Variants in ANKRD17 observed in about 807,000 individuals in gnomAD.
ANKRD17 encodes ankyrin repeat domain-containing protein 17.
A neutral mutation model predicts 229.7 loss-of-function variants in ANKRD17; 19 were observed. The ratio of observed to expected loss-of-function variants is 0.08; its 90% CI spans 0.06 to 0.12. The LOEUF (loss-of-function observed/expected upper bound fraction) is 0.12. Among genes scored for constraint, ANKRD17 ranks in the 10% least tolerant of loss-of-function variants. The probability of loss-of-function intolerance (pLI) is 1.00; values close to 1 mark genes in which losing one functional copy is unlikely to be tolerated. For synonymous variants in ANKRD17, 1,112 were observed against 1,146.1 expected, an observed-to-expected ratio of 0.97 and a Z score of 0.60; for missense variants, 2,176 against 3,176.8, an observed-to-expected ratio of 0.68 and a Z score of 7.57.
At chr4:73,141,897 A>T (rs1396547532) in intron 13 of ANKRD17, 54 bp from the exon 14 acceptor site, 1 of 1,314,548 alleles carries the variant, frequency 7.6e-7, no homozygotes, top group Non-Finnish European at 1.1e-6. Context: ...CCATTAAGTA[A>T]TATGCTCTAA....
chr4:73,133,252 TA>T (rs566909434), intron 16 of ANKRD17, among the ~76,000 whole-genome samples: 4 of 139,508 alleles, frequency 2.9e-5, no homozygotes, highest in Admixed American at 7.0e-5. Flanking sequence ...CGTCTCAAAA[TA>T]AAAAAAAAAT....
At chr4:73,162,771 C>T (rs1398753988) in intron 2 of ANKRD17, among the ~76,000 whole-genome samples, 1 of 152,124 alleles carries the variant, frequency 6.6e-6, no homozygotes, top group African/African-American at 2.4e-5. Context: ...ATGCAGCATT[C>T]TTACCCCTAA....
chr4:73,078,009 G>A (rs1033158212), intron 31 of ANKRD17, among the ~76,000 whole-genome samples: 97 of 152,278 alleles, frequency 6.4e-4, no homozygotes, highest in African/African-American at 2.1e-3. Flanking sequence ...CAGCACTTTG[G>A]GAGGCTGAGG....
intron 24 of ANKRD17, among the ~76,000 whole-genome samples, chr4:73,104,898 A>G (rs1045422065): frequency 1.3e-5 from 2 of 152,084 alleles, no homozygotes; most frequent in African/African-American, 4.8e-5. Context: ...TGGGTCTTAG[A>G]TATGTAAATT....
At chr4:73,084,610 G>A (rs1365014934) in intron 30 of ANKRD17, among the ~76,000 whole-genome samples, 1 of 151,824 alleles carries the variant, frequency 6.6e-6, no homozygotes, top group Admixed American at 6.6e-5. Flanking sequence ...CACAACGCCT[G>A]GCTAATTTTT....
At chr4:73,160,444 C>T (rs540279918) in intron 3 of ANKRD17, among the ~76,000 whole-genome samples, 49 of 152,190 alleles carry the variant, frequency 3.2e-4, no homozygotes, top group Non-Finnish European at 6.3e-4. Flanking sequence ...GTCTTGAACT[C>T]CTGACCTCAG....
chr4:73,172,307 T>C (rs1008997034), intron 2 of ANKRD17, among the ~76,000 whole-genome samples: 1 of 152,178 alleles, frequency 6.6e-6, no homozygotes, highest in African/African-American at 2.4e-5. Flanking sequence ...TATCCTATAA[T>C]AGTACATCTG....
At chr4:73,100,851 C>G in intron 25 of ANKRD17, 1 of 985,028 alleles carries the variant, frequency 1.0e-6, no homozygotes, top group East Asian at 1.1e-4. Flanking sequence ...CACACACACA[C>G]ATACACACAT....
At chr4:73,202,458 A>G (rs1000784730) in intron 1 of ANKRD17, among the ~76,000 whole-genome samples, 5 of 151,752 alleles carry the variant, frequency 3.3e-5, no homozygotes, top group African/African-American at 1.2e-4. Context: ...GAAAAGAACT[A>G]TTGAGGAGCT....
rs2110158186 is a variant in ANKRD17 at position 73,090,692 on chromosome 4, T to A, written c.6936A>T (p.Leu2312Phe). 6.2e-7 allele frequency: 1 copy of A among 1,614,186 alleles called. No homozygotes were observed. Among genetic ancestry groups the A allele is most frequent in the East Asian group, 2.2e-5 (1 of 44,876 alleles). ...TSKAPGFRPPLQRPAPSPSGI... is the reference protein window; with the variant it reads ...TSKAPGFRPPFQRPAPSPSGI... ...CTGAGGGACTTGGAGCAGGTCTCTG[T>A]AATGGTGGTCTAAAACCTGGAGCTT... Residue 2312 changes from leucine (L) to phenylalanine (F), a missense_variant, in exon 29 of 34, where the codon TTA (leucine) becomes TTT (phenylalanine). By Grantham distance (22) the Leu-to-Phe change is conservative. Coordinates refer to ENST00000358602, the MANE Select transcript of ANKRD17 (RefSeq NM_032217.5).
chr4:73,221,895 A>G (rs1741904803), intron 1 of ANKRD17, among the ~76,000 whole-genome samples: 1 of 152,146 alleles, frequency 6.6e-6, no homozygotes, highest in Admixed American at 6.6e-5. Context: ...CCAAGCACAC[A>G]CTGAGGGACT....
At position 73,089,350 on chromosome 4, in the gene ANKRD17, AAAATTTTTTTTTAAACAT is replaced by A. The variant is rs1175647081; in HGVS notation, c.6961+1299_6961+1316del. Among the ~76,000 whole-genome samples, 295 of 152,246 alleles carry A rather than the reference AAAATTTTTTTTTAAACAT, an allele frequency of 1.9e-3. 1 individual carries two copies. Among genetic ancestry groups the A allele is most frequent in the African/African-American group, 6.8e-3 (281 of 41,554 alleles). On this transcript the variant is annotated intron_variant, in intron 29 of 33. Coordinates refer to ENST00000358602, the MANE Select transcript of ANKRD17 (RefSeq NM_032217.5). ...CGTGCCAAGCCTATTCTTAAAAAAA[AAAATTTTTTTTTAAACAT>A]TTAAGAAATGTAAAAACAGGCAGCA...
chr4:73,117,139 G>A (rs1294207756), intron 22 of ANKRD17, among the ~76,000 whole-genome samples: 5 of 152,212 alleles, frequency 3.3e-5, no homozygotes, highest in African/African-American at 9.6e-5. Context: ...TAGAGATCTC[G>A]ATGTGAACTC....
Position 73,203,592 on chromosome 4 carries a change from C to T in ANKRD17, c.394-26059G>A, listed in dbSNP as rs139877690. On this transcript the variant is annotated intron_variant, in intron 1 of 33. Coordinates refer to ENST00000358602, the MANE Select transcript of ANKRD17 (RefSeq NM_032217.5). ...CTAACATGGTGAAACCCCGTCTCTA[C>T]TAAAAATACGAAAAAATTAGCCGGG... Among the ~76,000 whole-genome samples the T allele has an allele frequency of 8.6e-3, 1,301 of 151,534 alleles. 24 individuals carry two copies. The highest frequency in any genetic ancestry group is 0.03 in the African/African-American group (1,234 of 41,334).
At position 73,091,209 on chromosome 4, in the gene ANKRD17, AAAG is replaced by A; in HGVS notation, c.6416_6418del (p.Pro2139del). The A allele has an allele frequency of 6.2e-7, 1 of 1,614,236 alleles. No individual in the cohort carries two copies. The highest frequency in any genetic ancestry group is 1.1e-5 in the South Asian group (1 of 91,088). On this transcript the variant is annotated inframe_deletion, in exon 29 of 34. Transcript: ENST00000358602. ...CGCCACTGGAGCAGAACTTGTTGCT[AAAG>A]GAGGAACAGTCATTCTAACTTCCGG...
intron 33 of ANKRD17, among the ~76,000 whole-genome samples, chr4:73,076,660 C>A (rs1433882455): frequency 6.6e-6 from 1 of 152,134 alleles, no homozygotes; most frequent in Non-Finnish European, 1.5e-5. Context: ...CACTAGTAAA[C>A]TTTAATGTAT....
At chr4:73,175,490 T>C (rs1329095505) in intron 2 of ANKRD17, among the ~76,000 whole-genome samples, 1 of 152,168 alleles carries the variant, frequency 6.6e-6, no homozygotes, top group African/African-American at 2.4e-5. Context: ...AGATCCAGAA[T>C]AGCCAAAGAT....
rs138064750 is a variant in ANKRD17, at chr4:73,196,122, C to T, written c.394-18589G>A. ...CAGAGTGATTCTTCTGCCTCAGTCT[C>T]CCGAGTAGCTGGGATTACTGGTGCC... is the stretch of plus-strand genomic sequence containing the variant. On this transcript the variant is annotated intron_variant, in intron 1 of 33. Transcript: ENST00000358602. Among the ~76,000 whole-genome samples, 578 of 151,146 alleles carry T rather than the reference C, an allele frequency of 3.8e-3. 1 individual carries two copies. Among genetic ancestry groups the T allele is most frequent in the Middle Eastern group, 0.021 (6 of 290 alleles).
At chr4:73,213,119 G>A (rs1184970990) in intron 1 of ANKRD17, among the ~76,000 whole-genome samples, 1 of 151,974 alleles carries the variant, frequency 6.6e-6, no homozygotes, top group Non-Finnish European at 1.5e-5. Flanking sequence ...CCAAATTGAG[G>A]TTTAGTTTCT....
Sources: gnomAD v4.1 joint callset for allele counts (sites outside exome capture counted in the v4.1 genomes callset) on GRCh38, gnomAD v4.1.1 for gene constraint, MANE v1.5 for transcripts, NCBI Gene and HGNC (gene_info 2026-07-23, HGNC 2026-07-21) for gene names.